The following CHODL variants were observed in gnomAD, a reference collection of about 807,000 sequenced individuals.
The protein encoded by CHODL is transmembrane protein MT75.
A neutral mutation model predicts 34.5 loss-of-function variants in CHODL; 29 were observed. The ratio of observed to expected loss-of-function variants is 0.84; its 90% CI spans 0.63 to 1.15. CHODL has a LOEUF of 1.15. CHODL is among the 50% of genes most tolerant of loss of function. The probability of loss-of-function intolerance (pLI) is 0.00; values close to 1 mark genes in which losing one functional copy is unlikely to be tolerated. For missense variants in CHODL, 332 were observed against 332.5 expected (o/e 1.00, Z 0.01); for synonymous variants, 125 against 116.1 (o/e 1.08, Z -0.49).
chr21:18,154,882 T>A (rs2073015140), intron 2 of CHODL, among the ~76,000 whole-genome samples: 1 of 152,152 alleles, frequency 6.6e-6, no homozygotes, highest in Non-Finnish European at 1.5e-5. Context: ...ATTTCAAGTC[T>A]GTATAAGATG....
At chr21:17,973,610 C>T (rs576417104) in intron 1 of CHODL, among the ~76,000 whole-genome samples, 4 of 150,986 alleles carry the variant, frequency 2.6e-5, no homozygotes, top group East Asian at 2.0e-4. Context: ...TTAGTAGAGA[C>T]GGAGTTTCAC....
At chr21:18,133,083 TA>T (rs139879297) in intron 2 of CHODL, among the ~76,000 whole-genome samples, 11 of 151,254 alleles carry the variant, frequency 7.3e-5, no homozygotes, top group South Asian at 4.2e-4. Context: ...TCCATAATAA[TA>T]AAAAAAAAGA....
chr21:18,224,480 T>C (rs1008182681), intron 2 of CHODL, among the ~76,000 whole-genome samples: 1 of 152,186 alleles, frequency 6.6e-6, no homozygotes, highest in Non-Finnish European at 1.5e-5. Flanking sequence ...TTCAGTGTGG[T>C]TAAGTTCCCT....
chr21:17,947,627 G>A (rs549020511), intron 1 of CHODL, among the ~76,000 whole-genome samples: 6 of 151,428 alleles, frequency 4.0e-5, no homozygotes, highest in East Asian at 1.9e-4. Context: ...ACATACAGAC[G>A]GCCAAAAAGC....
chr21:18,017,841 C>G (rs902542738), intron 1 of CHODL, among the ~76,000 whole-genome samples: 1 of 152,234 alleles, frequency 6.6e-6, no homozygotes. Context: ...CACAGGCACT[C>G]AACAACCTAT....
chr21:18,077,975 A>T (rs2064886979), intron 2 of CHODL, among the ~76,000 whole-genome samples: 1 of 152,200 alleles, frequency 6.6e-6, no homozygotes, highest in Admixed American at 6.5e-5. Context: ...ATTTAAGAGT[A>T]ATTTCAGTAT....
At chr21:18,260,358 C>A in intron 4 of CHODL, 72 bp downstream of exon 4, 1 of 954,578 alleles carries the variant, frequency 1.0e-6, no homozygotes, top group Non-Finnish European at 1.6e-6. Context: ...CATGTTGACC[C>A]CAGTGAAACT....
chr21:18,079,742 A>C (rs2064914693), intron 2 of CHODL, among the ~76,000 whole-genome samples: 3 of 151,890 alleles, frequency 2.0e-5, no homozygotes. Flanking sequence ...TTTCTGATGT[A>C]ATAATACCTA....
Position 18,108,837 on chromosome 21 carries a change from T to TGTG in CHODL, c.-45+80866_-45+80867insGTG, listed in dbSNP as rs1568890511. Reference sequence around the variant, plus strand: ...TTCTCAGATTCTCTTCTTTGCAATGTTGTGTGTGTGTGTGTGTGTGTGTGT... The same window carrying TGTG: ...TTCTCAGATTCTCTTCTTTGCAATGTGTGTGTGTGTGTGTGTGTGTGTGTGTGT... On this transcript the variant is annotated intron_variant, in intron 2 of 6. Coordinates refer to the CHODL transcript ENST00000400127. 2.0e-3 allele frequency among the ~76,000 whole-genome samples: 298 copies of TGTG among 146,264 alleles called. 2 individuals are homozygous for TGTG. Among genetic ancestry groups the TGTG allele is most frequent in the South Asian group, 5.9e-3 (27 of 4,572 alleles).
chr21:18,133,127 G>C (rs73312463), intron 2 of CHODL, among the ~76,000 whole-genome samples: 3 of 150,980 alleles, frequency 2.0e-5, no homozygotes, highest in East Asian at 3.9e-4. Flanking sequence ...TAGAAAAAGC[G>C]GTGTATGTCT....
chr21:18,098,928 C>T (rs958697048), intron 2 of CHODL, among the ~76,000 whole-genome samples: 1 of 123,438 alleles, frequency 8.1e-6, no homozygotes. Flanking sequence ...TTTGCAACAA[C>T]ATGGATGGAA....
At chr21:18,108,134 C>T (rs926456779) in intron 2 of CHODL, among the ~76,000 whole-genome samples, 72 of 144,940 alleles carry the variant, frequency 5.0e-4, no homozygotes, top group African/African-American at 1.7e-3. Flanking sequence ...AAGGCAGTTG[C>T]TCATCAGATT....
chr21:18,048,955 A>T, intron 2 of CHODL, among the ~76,000 whole-genome samples: 1 of 151,938 alleles, frequency 6.6e-6, no homozygotes, highest in East Asian at 1.9e-4. Context: ...TTGGTTTACA[A>T]TGATTTTCAG....
At chr21:18,079,443 A>G (rs2064908434) in intron 2 of CHODL, among the ~76,000 whole-genome samples, 1 of 147,908 alleles carries the variant, frequency 6.8e-6, no homozygotes, top group Non-Finnish European at 1.5e-5. Flanking sequence ...TATCACACAT[A>G]TACCATAGAA....
chr21:18,239,123 C>T (rs566433641), intron 2 of CHODL, among the ~76,000 whole-genome samples: 2 of 152,062 alleles, frequency 1.3e-5, no homozygotes, highest in South Asian at 4.1e-4. Flanking sequence ...GTTGTTTTTC[C>T]CTTTCTGTTC....
chr21:18,145,453 A>AC (rs1555876142), intron 2 of CHODL, among the ~76,000 whole-genome samples: 1 of 151,340 alleles, frequency 6.6e-6, no homozygotes, highest in Non-Finnish European at 1.5e-5. Flanking sequence ...AAAAAAAAAA[A>AC]AAAAGCGGCA....
In CHODL at chr21:18,204,984, A is replaced by T. The variant is rs370051995; in HGVS notation, c.-44-51525A>T. Among the ~76,000 whole-genome samples the T allele has an allele frequency of 2.5e-4, 38 of 152,312 alleles. No homozygotes were observed. The East Asian group carries it at 3.1e-3, about 12-fold the overall frequency. On this transcript the variant is annotated intron_variant, in intron 2 of 6. Transcript: ENST00000400127. ...CCTTCACAAAAGAATCCTGGCTATA[A>T]GTCCATTGAGAAAACCACATTGCTT...
intron 1 of CHODL, among the ~76,000 whole-genome samples, chr21:17,999,980 T>TA (rs2063890337): frequency 6.6e-6 from 1 of 152,194 alleles, no homozygotes; most frequent in African/African-American, 2.4e-5. Flanking sequence ...TCTTTCTCCA[T>TA]AGTAAAGAAG....
chr21:18,021,046 C>T (rs1355881093), intron 1 of CHODL, among the ~76,000 whole-genome samples: 1 of 152,190 alleles, frequency 6.6e-6, no homozygotes, highest in East Asian at 1.9e-4. Context: ...GAAATACTGA[C>T]TTCTCCACTA....
Sources: gnomAD v4.1 joint callset for allele counts (sites outside exome capture counted in the v4.1 genomes callset) on GRCh38, gnomAD v4.1.1 for gene constraint, MANE v1.5 for transcripts, NCBI Gene and HGNC (gene_info 2026-07-23, HGNC 2026-07-21) for gene names.